Variants in USP4 observed in about 807,000 individuals in gnomAD.
USP4 encodes ubiquitin specific peptidase 4, also known as ubiquitin carboxyl-terminal hydrolase 4.
In USP4, 72 loss-of-function variants were observed where a neutral mutation model predicts 118.2. The observed-to-expected ratio is 0.61, with a 90% CI of 0.50 to 0.74. USP4 has a LOEUF of 0.74. USP4 is among the 30% of genes least tolerant of loss of function. USP4 has a pLI of 0.00. For synonymous variants in USP4, 415 were observed against 440.4 expected (o/e 0.94, Z 0.72); for missense variants, 1,037 against 1,185.7 (o/e 0.87, Z 1.84).
chr3:49,292,633 T>G (rs778004692), intron 14 of USP4, 35 bp from the exon 15 acceptor site: 12 of 1,421,120 alleles, frequency 8.4e-6, no homozygotes, highest in African/African-American at 1.5e-5. Context: ...AAAAAAAGAT[T>G]GTTAGTTGTA....
chr3:49,332,506 G>C (rs939611395), intron 2 of USP4, among the ~76,000 whole-genome samples: 6 of 151,472 alleles, frequency 4.0e-5, no homozygotes, highest in Non-Finnish European at 8.8e-5. Context: ...TAGCAGCAAA[G>C]AGGTAGATGG....
chr3:49,305,740 G>A lies in USP4; in HGVS notation c.1103C>T (p.Ala368Val). ...TTTGAACATGCGAGGTGCCACATGG[G>A]CGTCCCTTCCAGACCACATCTGCTT... Reference protein sequence around the residue: ...LIKQMWSGRDAHVAPRMFKTQ... With the variant: ...LIKQMWSGRDVHVAPRMFKTQ... The change falls in exon 9 of 22, where the codon GCC (alanine) becomes GTC (valine). Residue 368 changes from alanine (A) to valine (V), a missense_variant. By Grantham distance (64) the Ala-to-Val change is moderately conservative. This residue lies in a region of USP4 where 487 missense variants were observed against 534.1 expected (regional missense o/e 0.91). Coordinates refer to ENST00000265560, the MANE Select transcript of USP4 (RefSeq NM_003363.4). The A allele has an allele frequency of 6.2e-7, 1 of 1,610,734 alleles. No homozygotes were observed. Among genetic ancestry groups the A allele is most frequent in the African/African-American group, 1.3e-5 (1 of 74,834 alleles).
chr3:49,337,084 G>C (rs2047675435), intron 1 of USP4, among the ~76,000 whole-genome samples: 1 of 151,914 alleles, frequency 6.6e-6, no homozygotes, highest in South Asian at 2.1e-4. Context: ...AGGAGTTCAA[G>C]ACCAGCCTGG....
chr3:49,338,873 C>T (rs2107809296), intron 1 of USP4, among the ~76,000 whole-genome samples: 1 of 152,150 alleles, frequency 6.6e-6, no homozygotes, highest in South Asian at 2.1e-4. Flanking sequence ...TCGGGCCGAG[C>T]ACGGTGGCTC....
intron 15 of USP4, among the ~76,000 whole-genome samples, chr3:49,288,978 C>T (rs1258101879): frequency 1.3e-5 from 2 of 152,010 alleles, no homozygotes; most frequent in Non-Finnish European, 2.9e-5. Flanking sequence ...GGCGTGGTGG[C>T]ACACATCTGT....
Position 49,278,819 on chromosome 3 carries a change from T to A in USP4, c.2728A>T (p.Ile910Leu). ...SNVSLASEDQ[I>L]VTKAAYVLFY... ...ACATATCATGGCCTACTCACCACTATCTGATCCTCAGAGGCCAGGGACACG... is the reference window on the plus strand; with the variant it reads ...ACATATCATGGCCTACTCACCACTAACTGATCCTCAGAGGCCAGGGACACG... The change falls in exon 21 of 22, where the codon ATA becomes TTA. Residue 910 changes from isoleucine (I) to leucine (L), a missense_variant. Transcript: ENST00000265560. 1 of 1,608,060 alleles carries A rather than the reference T, an allele frequency of 6.2e-7. No homozygotes were observed. The highest frequency in any genetic ancestry group is 8.5e-7 in the Non-Finnish European group (1 of 1,176,704).
rs749263596 is a variant in USP4, at chr3:49,294,638, C to G, written c.1692-40G>C. The G allele has an allele frequency of 3.2e-6, 5 of 1,584,444 alleles. No homozygotes were observed. In the South Asian group the frequency reaches 5.7e-5, roughly 18 times the overall value. ...CAAGAGGGCACTTTTAGCAGTAGGT[C>G]CTTGTGAACAACAGAGATCTGAGCT... On this transcript the variant is annotated intron_variant, in intron 13 of 21. Coordinates refer to ENST00000265560, the MANE Select transcript of USP4 (RefSeq NM_003363.4).
chr3:49,285,000 C>T, intron 16 of USP4, 81 bp from the exon 17 acceptor site: 1 of 1,060,816 alleles, frequency 9.4e-7, no homozygotes, highest in Admixed American at 2.0e-5. Context: ...TGAGAAGGAC[C>T]ACACTCAGGC....
At chr3:49,301,189 C>G (rs1335019481) in intron 10 of USP4, among the ~76,000 whole-genome samples, 1 of 152,074 alleles carries the variant, frequency 6.6e-6, no homozygotes, top group East Asian at 1.9e-4. Context: ...GATGCTCCCA[C>G]CTCAGCCTCC....
Position 49,325,004 on chromosome 3 carries a change from T to C in USP4, c.523A>G (p.Ile175Val). ...IEKEMRKLFNIPAERETRLWN... is the reference protein window; with the variant it reads ...IEKEMRKLFNVPAERETRLWN... ...AGCCGTGTTTCACGCTCCGCAGGGA[T>C]GTTGAATAGCTTCCGCATCTCTTTC... is the stretch of plus-strand genomic sequence containing the variant. Residue 175 changes from isoleucine (I) to valine (V), a missense_variant, in exon 5 of 22, where the codon ATC (isoleucine) becomes GTC (valine). By Grantham distance (29) the Ile-to-Val change is conservative. Transcript: ENST00000265560. The C allele has an allele frequency of 1.2e-6, 2 of 1,614,002 alleles. No homozygotes were observed. The highest frequency in any genetic ancestry group is 8.5e-7 in the Non-Finnish European group (1 of 1,180,008).
In USP4 at chr3:49,286,828, A is replaced by ATCTATCTATCTATCTT. The variant is rs1428487093; in HGVS notation, c.1973-504_1973-503insAAGATAGATAGATAGA. Among the ~76,000 whole-genome samples the ATCTATCTATCTATCTT allele has an allele frequency of 6.2e-5, 9 of 144,234 alleles. No individual in the cohort carries two copies. The East Asian group carries it at 9.8e-4, about 16-fold the overall frequency. 94.6% of individuals were successfully genotyped at this position (144,234 alleles called of 152,430 possible). A position where few individuals can be genotyped will look rare whatever the true frequency, so the allele number is the denominator to read the frequency against. ...CTCACTCTAGCCACTCTATCTATCTATCTATCTATCTATCTATCTATCTAT... is the reference window on the plus strand; with the variant it reads ...CTCACTCTAGCCACTCTATCTATCTATCTATCTATCTATCTTTCTATCTATCTATCTATCTATCTAT... On this transcript the variant is annotated intron_variant, in intron 15 of 21. Transcript: ENST00000265560.
At chr3:49,305,458 A>C (rs1370074324) in intron 9 of USP4, among the ~76,000 whole-genome samples, 1 of 151,220 alleles carries the variant, frequency 6.6e-6, no homozygotes. Flanking sequence ...AGTGGGAAAA[A>C]GGAAGTACGG....
intron 19 of USP4, 117 bp downstream of exon 19, chr3:49,283,870 C>G: frequency 7.9e-7 from 1 of 1,262,626 alleles, no homozygotes; most frequent in Middle Eastern, 1.9e-4. Flanking sequence ...CTCCTAGACC[C>G]CGGCAACACA....
chr3:49,317,805 G>A (rs1327503355), intron 6 of USP4, among the ~76,000 whole-genome samples: 16 of 151,556 alleles, frequency 1.1e-4, no homozygotes, highest in African/African-American at 3.9e-4. Context: ...GCCCGCCTCG[G>A]CCTCCCAAAG....
At chr3:49,291,239 C>T (rs1324089872) in intron 15 of USP4, among the ~76,000 whole-genome samples, 1 of 146,932 alleles carries the variant, frequency 6.8e-6, no homozygotes, top group Non-Finnish European at 1.5e-5. Flanking sequence ...GCTGGGATTA[C>T]AGGTGTGAGT....
At chr3:49,285,098 A>G (rs1412640820) in intron 16 of USP4, among the ~76,000 whole-genome samples, 179 bp from the exon 17 acceptor site, 4 of 152,142 alleles carry the variant, frequency 2.6e-5, no homozygotes, top group Admixed American at 1.3e-4. Flanking sequence ...CCCAGCCCCA[A>G]AAAGCCTTTG....
intron 6 of USP4, among the ~76,000 whole-genome samples, chr3:49,313,567 C>T (rs2047407975): frequency 6.6e-6 from 1 of 152,006 alleles, no homozygotes; most frequent in Admixed American, 6.6e-5. Context: ...GATGACTTTC[C>T]CCAAAAAGGC....
intron 11 of USP4, 59 bp from the exon 12 acceptor site, chr3:49,298,694 T>TA: frequency 6.8e-7 from 1 of 1,477,192 alleles, no homozygotes; most frequent in East Asian, 2.3e-5. Context: ...CGAAATGCAT[T>TA]AGGAGAAGCA....
At chr3:49,293,444 A>G in intron 14 of USP4, 1 of 154,292 alleles carries the variant, frequency 6.5e-6, no homozygotes, top group Non-Finnish European at 1.4e-5. Context: ...CCTGGGCAAC[A>G]GAGTGAAACT....
Sources: allele counts gnomAD v4.1 joint callset (sites outside exome capture counted in the v4.1 genomes callset), GRCh38; gene constraint gnomAD v4.1.1; regional missense constraint gnomAD v4.1.1; transcripts MANE v1.5; gene names NCBI Gene and HGNC (gene_info 2026-07-23, HGNC 2026-07-21).